Variants in DGKG observed in about 807,000 individuals in gnomAD.
DGKG encodes the protein DAG kinase gamma.
In DGKG, 78 loss-of-function variants were observed where a neutral mutation model predicts 105.3. The observed-to-expected ratio is 0.74, with a 90% CI of 0.62 to 0.89. The LOEUF is 0.89. Ranked by LOEUF, DGKG falls within the 40% of genes least tolerant of loss-of-function variation. DGKG has a pLI of 0.00. For synonymous variants in DGKG, 346 were observed against 367.1 expected (o/e 0.94, Z 0.66); for missense variants, 958 against 1,020.1 (o/e 0.94, Z 0.83).
intron 1 of DGKG, among the ~76,000 whole-genome samples, chr3:186,327,510 C>T (rs1389900282): frequency 6.6e-6 from 1 of 151,784 alleles, no homozygotes; most frequent in African/African-American, 2.4e-5. Flanking sequence ...TTCAGCAGCC[C>T]CCTCCCAGCC....
rs61752080 is a variant in DGKG at position 186,288,840 on chromosome 3, T to C, written c.414A>G (p.Gln138=). The C allele has an allele frequency of 1.9e-3, 2,983 of 1,604,874 alleles. 66 individuals carry two copies. In the African/African-American group the frequency reaches 0.036, roughly 19 times the overall value. Residue 138 remains glutamine (Q), a synonymous_variant, in exon 6 of 25, where the codon CAA becomes CAG. Transcript: ENST00000265022. ...MAEKQAPAED[Q]VAATPLEPPV... is the part of the protein sequence containing the mutation. ...GGGGTTCCAGGGGGGTCGCAGCCAC[T>C]TGGTCTTCAGCTGGTGCTTGCTTCT...
At chr3:186,224,369 T>C (rs953015332) in intron 20 of DGKG, among the ~76,000 whole-genome samples, 1 of 152,218 alleles carries the variant, frequency 6.6e-6, no homozygotes, top group Non-Finnish European at 1.5e-5. Context: ...GCATTGCCTT[T>C]GCCCATGTCC....
rs1188824158 is a variant in DGKG, at chr3:186,299,849, TTTTG to T, written c.145-1624_145-1621del. Among the ~76,000 whole-genome samples, 88 of 102,390 alleles carry T rather than the reference TTTTG, an allele frequency of 8.6e-4. 1 individual carries two copies. Among genetic ancestry groups the T allele is most frequent in the African/African-American group, 3.5e-3 (81 of 23,380 alleles). The allele number at this position is 102,390 out of a possible 152,430, so 67.2% of individuals were successfully genotyped here. ...TCTTTCTTTCTTTCTTTTTTTTTTTTTTTGAGATAGAGCCTTGCTCTGTCACCCA... is the reference window on the plus strand; with the variant it reads ...TCTTTCTTTCTTTCTTTTTTTTTTTTAGATAGAGCCTTGCTCTGTCACCCA... On this transcript the variant is annotated intron_variant, in intron 3 of 24. Transcript: ENST00000265022.
At position 186,308,971 on chromosome 3, in the gene DGKG, G is replaced by C. The variant is rs115199612; in HGVS notation, c.68-1994C>G. Among the ~76,000 whole-genome samples the C allele has an allele frequency of 8.5e-3, 1,297 of 152,206 alleles. 16 individuals carry two copies. The highest frequency in any genetic ancestry group is 0.03 in the African/African-American group (1,228 of 41,520). The stretch of plus-strand genomic sequence containing the variant: ...AAATTCAGAAAAATTAATTCGACTT[G>C]CTCAAGAGCCAGGGTTGTAACTCAG... On this transcript the variant is annotated intron_variant, in intron 2 of 24. Transcript: ENST00000265022.
chr3:186,252,116 G>A (rs1721257028), intron 18 of DGKG, among the ~76,000 whole-genome samples, 197 bp from the exon 19 acceptor site: 1 of 152,220 alleles, frequency 6.6e-6, no homozygotes, highest in South Asian at 2.1e-4. Flanking sequence ...GAGGCTGGGG[G>A]CAGGGGAGGG....
Position 186,284,633 on chromosome 3 carries a change from T to C in DGKG, c.594+27A>G. The C allele has an allele frequency of 6.3e-7, 1 of 1,599,028 alleles. No individual in the cohort carries two copies. Among genetic ancestry groups the C allele is most frequent in the Non-Finnish European group, 8.6e-7 (1 of 1,166,336 alleles). ...GCTCCCCCAGCCTTTCTCAGGTCCA[T>C]GAGGGATATTTAGAGTGAGAACTTA... On this transcript the variant is annotated intron_variant, in intron 7 of 24. Coordinates refer to ENST00000265022, the MANE Select transcript of DGKG (RefSeq NM_001346.3). The surrounding 1 kb of genome is among the most constrained non-coding windows in gnomAD (Gnocchi z 4.0).
intron 22 of DGKG, among the ~76,000 whole-genome samples, chr3:186,167,797 TCAC>T (rs1276104298): frequency 2.0e-5 from 3 of 148,418 alleles, no homozygotes; most frequent in Non-Finnish European, 4.5e-5. Context: ...ACTCACTCAC[TCAC>T]TCATTCAACA....
chr3:186,335,484 C>T (rs760904845), intron 1 of DGKG, among the ~76,000 whole-genome samples: 9 of 152,122 alleles, frequency 5.9e-5, no homozygotes, highest in Non-Finnish European at 8.8e-5. Context: ...CATGGTATCT[C>T]GTGCCACCAT....
At chr3:186,198,238 A>C (rs1378877496) in intron 21 of DGKG, among the ~76,000 whole-genome samples, 1 of 152,260 alleles carries the variant, frequency 6.6e-6, no homozygotes, top group Non-Finnish European at 1.5e-5. Context: ...GTGAACAAAT[A>C]AAGTGGACCA....
rs535082376 is a variant in DGKG, at chr3:186,361,550, T to C, written c.-249+396A>G. 5.9e-5 allele frequency among the ~76,000 whole-genome samples: 9 copies of C among 152,174 alleles called. No homozygotes were observed. The highest frequency in any genetic ancestry group is 2.2e-4 in the African/African-American group (9 of 41,520). ...TGGCGGCCAGACATTAGGAAAAGCA[T>C]CTCCTGCTTCTCGGACTGCCTGGAG... On this transcript the variant is annotated intron_variant, in intron 1 of 24. Coordinates refer to ENST00000265022, the MANE Select transcript of DGKG (RefSeq NM_001346.3). The surrounding 1 kb of genome is among the most constrained non-coding windows in gnomAD (Gnocchi z 6.8).
intron 1 of DGKG, among the ~76,000 whole-genome samples, chr3:186,339,203 G>T (rs2108658794): frequency 6.6e-6 from 1 of 152,284 alleles, no homozygotes; most frequent in Admixed American, 6.5e-5. Context: ...AAAATACTCT[G>T]CTAGGAGCTA....
Position 186,162,578 on chromosome 3 carries a change from C to T in DGKG, c.2217-915G>A, listed in dbSNP as rs567998990. On this transcript the variant is annotated intron_variant, in intron 23 of 24. Transcript: ENST00000265022. ...GTTTTTGAGACAGAGTCTTGCTCTG[C>T]GCCCAGGCTGGAGTGCAGTGGCACC... Among the ~76,000 whole-genome samples, 10 of 152,134 alleles carry T rather than the reference C, an allele frequency of 6.6e-5. No homozygotes were observed. In the South Asian group the frequency reaches 1.2e-3, roughly 19 times the overall value.
chr3:186,288,990 G>T, intron 5 of DGKG, 110 bp from the exon 6 acceptor site: 1 of 1,097,564 alleles, frequency 9.1e-7, no homozygotes, highest in Non-Finnish European at 1.3e-6. Flanking sequence ...TTGTAGAAGT[G>T]TCTTCAAAAG....
At position 186,226,519 on chromosome 3, in the gene DGKG, G is replaced by A. The variant is rs1306921896; in HGVS notation, c.1827-14634C>T. Among the ~76,000 whole-genome samples, 2 of 152,148 alleles carry A rather than the reference G, an allele frequency of 1.3e-5. No homozygotes were observed. Among genetic ancestry groups the A allele is most frequent in the Non-Finnish European group, 2.9e-5 (2 of 68,022 alleles). On this transcript the variant is annotated intron_variant, in intron 20 of 24. Coordinates refer to ENST00000265022, the MANE Select transcript of DGKG (RefSeq NM_001346.3). The surrounding 1 kb of genome is among the most constrained non-coding windows in gnomAD (Gnocchi z 4.2). ...AAGGTGGTACAGAAGAGGAAAGGGG[G>A]AACCTGACTAATTACAACACTCTGT...
At chr3:186,341,863 G>C (rs1185961348) in intron 1 of DGKG, among the ~76,000 whole-genome samples, 1 of 152,156 alleles carries the variant, frequency 6.6e-6, no homozygotes, top group Non-Finnish European at 1.5e-5. Context: ...CATGTCCTTT[G>C]TAGGGACATG....
intron 1 of DGKG, among the ~76,000 whole-genome samples, chr3:186,342,562 GA>G (rs1726137083): frequency 6.6e-6 from 1 of 151,848 alleles, no homozygotes; most frequent in Non-Finnish European, 1.5e-5. Context: ...TTTTTTATTT[GA>G]TTTTTTGTTT....
At chr3:186,329,948 C>T (rs913311696) in intron 1 of DGKG, among the ~76,000 whole-genome samples, 9 of 152,168 alleles carry the variant, frequency 5.9e-5, no homozygotes, top group African/African-American at 1.9e-4. Context: ...GTCTGCTTTG[C>T]ACCTCTAGCT....
chr3:186,229,665 C>T lies in DGKG; in HGVS notation c.1826+12839G>A, dbSNP rs545689274. ...TAGTTGGTATTAACTTCTGTATGTGCTCATCTTCCCAGTTATACCCACGAA... is the reference window on the plus strand; with the variant it reads ...TAGTTGGTATTAACTTCTGTATGTGTTCATCTTCCCAGTTATACCCACGAA... On this transcript the variant is annotated intron_variant, in intron 20 of 24. Transcript: ENST00000265022. Among the ~76,000 whole-genome samples, 9 of 152,312 alleles carry T rather than the reference C, an allele frequency of 5.9e-5. No homozygotes were observed. The East Asian group carries it at 1.7e-3, about 29-fold the overall frequency.
At chr3:186,248,355 G>A (rs550006654) in intron 19 of DGKG, among the ~76,000 whole-genome samples, 43 of 152,352 alleles carry the variant, frequency 2.8e-4, no homozygotes, top group African/African-American at 1.0e-3. Flanking sequence ...CCTCAGCTCT[G>A]GCTTCCAGCC....
Sources: gnomAD v4.1 joint callset for allele counts (sites outside exome capture counted in the v4.1 genomes callset) on GRCh38, gnomAD v4.1.1 for gene constraint, Gnocchi (gnomAD v3.1) non-coding constraint, MANE v1.5 for transcripts, NCBI Gene and HGNC (gene_info 2026-07-23, HGNC 2026-07-21) for gene names.